ADGRG6: variants seen among roughly 807,000 people sequenced by gnomAD.
The protein encoded by ADGRG6 is adhesion G protein-coupled receptor G6.
A neutral mutation model predicts 142.4 loss-of-function variants in ADGRG6; 84 were observed. That is an observed-to-expected ratio of 0.59 (90% CI 0.49 to 0.71). The LOEUF (loss-of-function observed/expected upper bound fraction) is 0.71. ADGRG6 is among the 30% of genes least tolerant of loss of function. The pLI is 0.00. For missense variants in ADGRG6, 1,367 were observed against 1,466.6 expected (o/e 0.93, Z 1.11); for synonymous variants, 521 against 520.5 (o/e 1.00, Z -0.01).
intron 2 of ADGRG6, among the ~76,000 whole-genome samples, chr6:142,337,031 C>G (rs550642268): frequency 3.3e-4 from 51 of 152,282 alleles, no homozygotes; most frequent in African/African-American, 1.2e-3. Context: ...CTGCGTCTAC[C>G]AGGGCAGTGT....
At chr6:142,442,321 T>C (rs1340119911) in intron 24 of ADGRG6, among the ~76,000 whole-genome samples, 1 of 152,142 alleles carries the variant, frequency 6.6e-6, no homozygotes, top group East Asian at 1.9e-4. Flanking sequence ...TTGGTTAATT[T>C]GAGGGTAGAA....
chr6:142,361,709 A>C (rs1490837806), intron 2 of ADGRG6, among the ~76,000 whole-genome samples: 1 of 152,226 alleles, frequency 6.6e-6, no homozygotes, highest in African/African-American at 2.4e-5. Flanking sequence ...GTTTGCAGGA[A>C]GAGAATAAGG....
chr6:142,337,837 C>T (rs1417592362), intron 2 of ADGRG6, among the ~76,000 whole-genome samples: 2 of 151,574 alleles, frequency 1.3e-5, no homozygotes, highest in Non-Finnish European at 2.9e-5. Flanking sequence ...TCAGTCTATA[C>T]TGATCTTGAT....
chr6:142,442,743 G>A (rs192589589), intron 24 of ADGRG6, among the ~76,000 whole-genome samples: 8 of 151,948 alleles, frequency 5.3e-5, no homozygotes, highest in Admixed American at 2.0e-4. Context: ...GGGAAAATAC[G>A]TTCAAAGTAG....
intron 4 of ADGRG6, among the ~76,000 whole-genome samples, chr6:142,373,886 T>C (rs570211434): frequency 2.9e-4 from 41 of 140,524 alleles, no homozygotes; most frequent in East Asian, 8.9e-4. Context: ...CTTTTCTTTT[T>C]TTTTTTTTTT....
At chr6:142,420,220 A>G (rs1197570787) in intron 22 of ADGRG6, 116 bp downstream of exon 22, 68 of 760,610 alleles carry the variant, frequency 8.9e-5, no homozygotes, top group Admixed American at 5.0e-5. Flanking sequence ...CAAGTGCTGA[A>G]TATAGTTCCA....
intron 22 of ADGRG6, among the ~76,000 whole-genome samples, chr6:142,430,700 TTAGAAA>T (rs1186612011): frequency 6.6e-6 from 1 of 152,198 alleles, no homozygotes; most frequent in Non-Finnish European, 1.5e-5. Flanking sequence ...ATGCCAATAC[TTAGAAA>T]TAGGTGTATT....
rs76754815 is a variant in ADGRG6 at position 142,434,581 on chromosome 6, A to G, written c.3320-2853A>G. ...CATGATCCACCTGCCTTGGCCTCCCAAAGTGTTGGGATTGCAGGTGTAAGC... is the reference window on the plus strand; with the variant it reads ...CATGATCCACCTGCCTTGGCCTCCCGAAGTGTTGGGATTGCAGGTGTAAGC... On this transcript the variant is annotated intron_variant, in intron 22 of 24. Coordinates refer to ENST00000367609, the MANE Select transcript of ADGRG6 (RefSeq NM_198569.3). Among the ~76,000 whole-genome samples the G allele has an allele frequency of 5.8e-4, 89 of 152,208 alleles. 1 individual carries two copies. In the East Asian group the frequency reaches 0.016, roughly 28 times the overall value.
At chr6:142,359,871 A>C (rs1780633138) in intron 2 of ADGRG6, among the ~76,000 whole-genome samples, 1 of 152,202 alleles carries the variant, frequency 6.6e-6, no homozygotes, top group Admixed American at 6.5e-5. Context: ...TGGATCCCAG[A>C]GAAGATTTGG....
At chr6:142,433,132 A>T (rs1475917493) in intron 22 of ADGRG6, among the ~76,000 whole-genome samples, 1 of 152,222 alleles carries the variant, frequency 6.6e-6, no homozygotes, top group African/African-American at 2.4e-5. Flanking sequence ...TGTGACAAAA[A>T]TACCTCCAAG....
rs1777587205 is a variant in ADGRG6 at position 142,438,332 on chromosome 6, C to A, written c.3542C>A (p.Ser1181Tyr). 6.2e-7 allele frequency: 1 copy of A among 1,609,436 alleles called. No individual in the cohort carries two copies. The highest frequency in any genetic ancestry group is 8.5e-7 in the Non-Finnish European group (1 of 1,177,524). Residue 1181 changes from serine to tyrosine, a missense_variant, in exon 24 of 25, where the codon TCT becomes TAT. Transcript: ENST00000367609. ...CTTACATCCAAATCTAAATCCAGCT[C>A]TACCACCTATTTCAAAAGGAATAGC... The part of the protein sequence containing the change: ...TYLTSKSKSS[S>Y]TTYFKRNSHT...
chr6:142,395,706 TA>T, intron 9 of ADGRG6, among the ~76,000 whole-genome samples: 1 of 152,324 alleles, frequency 6.6e-6, no homozygotes, highest in Middle Eastern at 3.4e-3. Context: ...CATTATTTAA[TA>T]TTTATGTTTA....
chr6:142,395,844 T>C (rs975855264), intron 9 of ADGRG6, among the ~76,000 whole-genome samples: 2 of 152,182 alleles, frequency 1.3e-5, no homozygotes, highest in Non-Finnish European at 2.9e-5. Flanking sequence ...AAAAAAACTT[T>C]TCCTTTCAAT....
intron 2 of ADGRG6, among the ~76,000 whole-genome samples, chr6:142,345,350 T>C (rs1214461090): frequency 6.6e-6 from 1 of 152,088 alleles, no homozygotes; most frequent in African/African-American, 2.4e-5. Context: ...GTTCTGCTTA[T>C]ACTTGTTGGC....
chr6:142,427,347 G>A (rs542454897), intron 22 of ADGRG6, among the ~76,000 whole-genome samples: 10 of 152,160 alleles, frequency 6.6e-5, no homozygotes, highest in Non-Finnish European at 1.0e-4. Context: ...TCAAAATGCC[G>A]CCAGACTCTT....
intron 6 of ADGRG6, among the ~76,000 whole-genome samples, chr6:142,387,017 C>T (rs748171969): frequency 4.6e-5 from 7 of 152,206 alleles, no homozygotes; most frequent in Non-Finnish European, 1.0e-4. Flanking sequence ...ATTGAGTCGT[C>T]TCCTCATCAA....
Position 142,400,490 on chromosome 6 carries a change from T to C in ADGRG6, c.1573T>C (p.Cys525Arg). 6.8e-7 allele frequency: 1 copy of C among 1,477,322 alleles called. No individual in the cohort carries two copies. The highest frequency in any genetic ancestry group is 9.5e-7 in the Non-Finnish European group (1 of 1,056,056). 91.5% of individuals were successfully genotyped at this position (1,477,322 alleles called of 1,614,324 possible). A position where few individuals can be genotyped will look rare whatever the true frequency, so the allele number is the denominator to read the frequency against. Residue 525 changes from cysteine to arginine, a missense_variant, in exon 11 of 25, where the codon TGT becomes CGT. By Grantham distance (180) the Cys-to-Arg change is radical (BLOSUM62 -3). Around this residue, in one of 3 missense-constraint regions of ADGRG6, gnomAD observed 737 missense variants for 746.5 expected, o/e 0.99. Coordinates refer to ENST00000367609, the MANE Select transcript of ADGRG6 (RefSeq NM_198569.3). ...HTVNVRQLGH[C>R]LAMEEPKGYY... The stretch of plus-strand genomic sequence containing the variant: ...TGGTTCTTATGTTCATATAGGTCAT[T>C]GTCTTGCCATGGAGGAACCCAAAGG...
In ADGRG6 at chr6:142,382,022, A is replaced by C; in HGVS notation, c.1138+3A>C. 6.3e-7 allele frequency: 1 copy of C among 1,580,554 alleles called. No homozygotes were observed. The highest frequency in any genetic ancestry group is 8.7e-7 in the Non-Finnish European group (1 of 1,154,146). On this transcript the variant is annotated splice_donor_region_variant and intron_variant, in intron 5 of 24. Transcript: ENST00000367609. The stretch of plus-strand genomic sequence containing the variant: ...AGACCTGGGGACCCTCTGTCAAGGT[A>C]GGGAGCCCACACCGTGCTCTGGAAT...
intron 20 of ADGRG6, 116 bp from the exon 21 acceptor site, chr6:142,417,157 G>C (rs775910165): frequency 8.2e-6 from 6 of 727,954 alleles, no homozygotes; most frequent in African/African-American, 1.8e-5. Flanking sequence ...GATATGGAAT[G>C]TTGGCTTGCT....
Sources: gnomAD v4.1 joint callset for allele counts (sites outside exome capture counted in the v4.1 genomes callset) on GRCh38, gnomAD v4.1.1 for gene constraint, gnomAD v4.1.1 regional missense constraint, MANE v1.5 for transcripts, NCBI Gene and HGNC (gene_info 2026-07-23, HGNC 2026-07-21) for gene names.